CHRM3: variants seen among roughly 807,000 people sequenced by gnomAD.
The protein encoded by CHRM3 is cholinergic receptor muscarinic 3.
A neutral mutation model predicts 41.8 loss-of-function variants in CHRM3; 11 were observed. That is an observed-to-expected ratio of 0.26 (90% CI 0.17 to 0.44). The LOEUF (loss-of-function observed/expected upper bound fraction) is 0.44. Among genes scored for constraint, CHRM3 ranks in the 20% least tolerant of loss-of-function variants. The pLI is 1.00. For synonymous variants in CHRM3, 297 were observed against 301.4 expected (o/e 0.99, Z 0.15); for missense variants, 571 against 745.4 (o/e 0.77, Z 2.72).
chr1:239,558,856 C>T (rs7548791), intron 3 of CHRM3, among the ~76,000 whole-genome samples: 4,878 of 152,268 alleles, frequency 0.032, 290 homozygotes, highest in African/African-American at 0.11. Context: ...AAATCATCTA[C>T]TTTATGTTTA....
intron 5 of CHRM3, among the ~76,000 whole-genome samples, chr1:239,743,242 T>C (rs968181806): frequency 1.3e-5 from 2 of 152,234 alleles, no homozygotes; most frequent in Non-Finnish European, 2.9e-5. Flanking sequence ...ATGCCATTCA[T>C]CATTACTTTT....
chr1:239,911,794 A>G lies in CHRM3; in HGVS notation c.*2570A>G, dbSNP rs1680379291. 1 of 166,914 alleles carries G rather than the reference A, an allele frequency of 6.0e-6. No homozygotes were observed. The highest frequency in any genetic ancestry group is 1.5e-5 in the Non-Finnish European group (1 of 68,122). The allele number at this position is 166,914 out of a possible 1,614,324, so 10.3% of individuals were successfully genotyped here. A position where few individuals can be genotyped will look rare whatever the true frequency, so the allele number is the denominator to read the frequency against. ...TGAAAGCTGCATTTAAATACTATCT[A>G]CTGATTTTATAGAAAGGTATGTCCA... On this transcript the variant is annotated 3_prime_UTR_variant, in exon 7 of 7. Transcript: ENST00000676153.
chr1:239,811,932 T>C (rs892058268), intron 5 of CHRM3, among the ~76,000 whole-genome samples: 2 of 152,202 alleles, frequency 1.3e-5, no homozygotes, highest in Non-Finnish European at 2.9e-5. Flanking sequence ...ATTTTGCAAG[T>C]AAGCAACATG....
intron 3 of CHRM3, among the ~76,000 whole-genome samples, chr1:239,553,035 G>A (rs894452909): frequency 2.0e-5 from 3 of 151,896 alleles, no homozygotes; most frequent in Admixed American, 6.6e-5. Flanking sequence ...TCTCTCAATC[G>A]TCGCAAGTCT....
intron 5 of CHRM3, among the ~76,000 whole-genome samples, chr1:239,823,010 G>T (rs1171268846): frequency 2.0e-5 from 3 of 152,168 alleles, no homozygotes; most frequent in Admixed American, 2.0e-4. Context: ...GACGTTAATA[G>T]AAATAATGGT....
intron 5 of CHRM3, among the ~76,000 whole-genome samples, chr1:239,804,056 T>C (rs535998399): frequency 8.5e-5 from 13 of 152,316 alleles, no homozygotes; most frequent in African/African-American, 3.1e-4. Context: ...GCAGAAGGCA[T>C]TGTGGCAACA....
intron 3 of CHRM3, among the ~76,000 whole-genome samples, chr1:239,588,435 G>C (rs1022652481): frequency 3.9e-5 from 6 of 152,168 alleles, no homozygotes; most frequent in African/African-American, 1.4e-4. Context: ...TGGACTCACT[G>C]AATGCTCATT....
intron 3 of CHRM3, among the ~76,000 whole-genome samples, chr1:239,552,401 TTA>T (rs1659935552): frequency 6.8e-6 from 1 of 147,584 alleles, no homozygotes; most frequent in South Asian, 2.1e-4. Context: ...GTATCATATT[TTA>T]TATATGTATA....
intron 4 of CHRM3, among the ~76,000 whole-genome samples, chr1:239,634,639 C>A (rs1670266091): frequency 6.6e-6 from 1 of 151,084 alleles, no homozygotes; most frequent in Non-Finnish European, 1.5e-5. Flanking sequence ...ATTAAGTATT[C>A]TCCGCCTAAC....
At chr1:239,614,259 A>G (rs1388332034) in intron 3 of CHRM3, among the ~76,000 whole-genome samples, 1 of 152,224 alleles carries the variant, frequency 6.6e-6, no homozygotes, top group East Asian at 1.9e-4. Context: ...ATATTCCTGT[A>G]TCCTGCCTGT....
chr1:239,388,949 G>A (rs556883565), intron 1 of CHRM3, among the ~76,000 whole-genome samples: 34 of 152,294 alleles, frequency 2.2e-4, no homozygotes, highest in Admixed American at 4.6e-4. Context: ...GAAATATAAC[G>A]TTCGCTTAAT....
intron 4 of CHRM3, among the ~76,000 whole-genome samples, chr1:239,645,788 G>C (rs764836475): frequency 2.6e-5 from 4 of 152,160 alleles, no homozygotes; most frequent in Non-Finnish European, 5.9e-5. Context: ...AGAGAACCAG[G>C]AGTAATCAGG....
intron 4 of CHRM3, among the ~76,000 whole-genome samples, chr1:239,665,310 G>A (rs918736663): frequency 3.9e-5 from 6 of 151,990 alleles, no homozygotes; most frequent in Non-Finnish European, 8.8e-5. Flanking sequence ...GAGCTGCTAG[G>A]CTCCTCAGCA....
intron 6 of CHRM3, among the ~76,000 whole-genome samples, chr1:239,853,505 T>A (rs1301268330): frequency 1.3e-5 from 2 of 152,040 alleles, no homozygotes; most frequent in Admixed American, 6.6e-5. Flanking sequence ...TTTTTTCTTA[T>A]ACATTTAATA....
chr1:239,566,205 G>T lies in CHRM3; in HGVS notation c.-313+20456G>T, dbSNP rs141933643. ...TGGGATTACAGGCGTGAGCCATCAC[G>T]CCCGGCCTCCAAGCATCCTTAATTT... On this transcript the variant is annotated intron_variant, in intron 3 of 6. Coordinates refer to ENST00000676153, the MANE Select transcript of CHRM3 (RefSeq NM_001375978.1). 8.2e-3 allele frequency among the ~76,000 whole-genome samples: 1,249 copies of T among 152,200 alleles called. 17 individuals carry two copies. Among genetic ancestry groups the T allele is most frequent in the African/African-American group, 0.029 (1,186 of 41,530 alleles).
intron 1 of CHRM3, among the ~76,000 whole-genome samples, chr1:239,445,145 G>C (rs2103277999): frequency 6.6e-6 from 1 of 152,206 alleles, no homozygotes; most frequent in East Asian, 1.9e-4. Flanking sequence ...GGAATACTTT[G>C]TTGTCTTCCA....
At chr1:239,404,259 A>C (rs1206383305) in intron 1 of CHRM3, among the ~76,000 whole-genome samples, 1 of 149,506 alleles carries the variant, frequency 6.7e-6, no homozygotes, top group East Asian at 2.0e-4. Context: ...ACTGCACTCC[A>C]GCCTGGGTGA....
At chr1:239,444,638 T>C (rs553425301) in intron 1 of CHRM3, among the ~76,000 whole-genome samples, 1 of 152,146 alleles carries the variant, frequency 6.6e-6, no homozygotes, top group South Asian at 2.1e-4. Context: ...CACTAGATGA[T>C]ACAATCAGAA....
chr1:239,606,997 A>C (rs1396916955), intron 3 of CHRM3, among the ~76,000 whole-genome samples: 1 of 152,134 alleles, frequency 6.6e-6, no homozygotes, highest in African/African-American at 2.4e-5. Flanking sequence ...GTGGCCTTCA[A>C]TGCCCTCTTA....
Sources: gnomAD v4.1 joint callset for allele counts (sites outside exome capture counted in the v4.1 genomes callset) on GRCh38, gnomAD v4.1.1 for gene constraint, MANE v1.5 for transcripts, NCBI Gene and HGNC (gene_info 2026-07-23, HGNC 2026-07-21) for gene names.